Variants in RFX8 observed in about 807,000 individuals in gnomAD.
The protein encoded by RFX8 is DNA-binding protein RFX8.
RFX8 carries 46 observed loss-of-function variants against 54.6 expected under a neutral mutation model. The ratio of observed to expected loss-of-function variants is 0.84; its 90% CI spans 0.67 to 1.08. The LOEUF is 1.08. RFX8 is among the 50% of genes least tolerant of loss of function. The pLI is 0.00. For missense variants in RFX8, 536 were observed against 562.3 expected (o/e 0.95, Z 0.47); for synonymous variants, 192 against 209.5 (o/e 0.92, Z 0.72).
chr2:101,449,880 G>A (rs1281890514), intron 2 of RFX8, among the ~76,000 whole-genome samples: 2 of 152,070 alleles, frequency 1.3e-5, no homozygotes, highest in African/African-American at 2.4e-5. Context: ...GGAGACCAAG[G>A]ATTCAGGGCT....
At chr2:101,427,762 T>C (rs1687260871) in intron 2 of RFX8, among the ~76,000 whole-genome samples, 3 of 152,160 alleles carry the variant, frequency 2.0e-5, no homozygotes, top group Admixed American at 6.6e-5. Flanking sequence ...CCGCTCGACA[T>C]GGTACCCATT....
chr2:101,397,916 T>G (rs556532349), intron 11 of RFX8, among the ~76,000 whole-genome samples, 192 bp from the exon 12 acceptor site: 1 of 152,238 alleles, frequency 6.6e-6, no homozygotes, highest in African/African-American at 2.4e-5. Context: ...TGGAGTGCCA[T>G]GGCGCCATCT....
intron 2 of RFX8, among the ~76,000 whole-genome samples, chr2:101,459,784 G>A (rs925232454): frequency 1.3e-5 from 2 of 152,212 alleles, no homozygotes; most frequent in East Asian, 1.9e-4. Context: ...AGACAGGGAC[G>A]TTTAAGTCTG....
intron 2 of RFX8, among the ~76,000 whole-genome samples, chr2:101,439,875 C>T (rs1157425836): frequency 6.6e-6 from 1 of 152,004 alleles, no homozygotes; most frequent in African/African-American, 2.4e-5. Context: ...CGCGCATAGC[C>T]GAGCGGATCT....
Position 101,424,961 on chromosome 2 carries a change from C to T in RFX8, c.73-2489G>A, listed in dbSNP as rs561033143. Among the ~76,000 whole-genome samples, 4 of 152,096 alleles carry T rather than the reference C, an allele frequency of 2.6e-5. No homozygotes were observed. The South Asian group carries it at 6.2e-4, about 24-fold the overall frequency. On this transcript the variant is annotated intron_variant, in intron 2 of 11. Coordinates refer to ENST00000428343, the MANE Select transcript of RFX8 (RefSeq NM_001145664.2). ...AGCAAACCAACATGGCACATGTATA[C>T]CTATGTAACAAACCTGCACGTTGTG...
intron 2 of RFX8, among the ~76,000 whole-genome samples, chr2:101,463,755 C>T (rs920280307): frequency 6.6e-6 from 1 of 152,128 alleles, no homozygotes; most frequent in African/African-American, 2.4e-5. Context: ...CACTTACCTC[C>T]TTCTCTCCCT....
intron 2 of RFX8, among the ~76,000 whole-genome samples, chr2:101,456,640 C>A (rs934628793): frequency 2.6e-5 from 4 of 152,050 alleles, no homozygotes; most frequent in African/African-American, 7.3e-5. Context: ...ATTTTCGTAT[C>A]GATGTTCATC....
At chr2:101,412,682 A>G (rs918815403) in intron 8 of RFX8, among the ~76,000 whole-genome samples, 3 of 152,230 alleles carry the variant, frequency 2.0e-5, no homozygotes, top group African/African-American at 4.8e-5. Flanking sequence ...ACTAACAGGT[A>G]TCAGCACTGC....
intron 10 of RFX8, among the ~76,000 whole-genome samples, chr2:101,404,453 CAG>C (rs1685613210): frequency 6.6e-6 from 1 of 152,092 alleles, no homozygotes; most frequent in African/African-American, 2.4e-5. Context: ...TTTTTTGAGA[CAG>C]AGTCTGGCTC....
At position 101,435,550 on chromosome 2, in the gene RFX8, A is replaced by G. The variant is rs542706239; in HGVS notation, c.73-13078T>C. On this transcript the variant is annotated intron_variant, in intron 2 of 11. Transcript: ENST00000428343. ...CAGATGTGATATAATGCACGCACAT[A>G]TACACACGTACTCACACATACACAC... Among the ~76,000 whole-genome samples, 5 of 152,318 alleles carry G rather than the reference A, an allele frequency of 3.3e-5. No homozygotes were observed. In the South Asian group the frequency reaches 1.0e-3, roughly 32 times the overall value.
At chr2:101,434,541 CAATGCAACAG>C (rs67016161) in intron 2 of RFX8, among the ~76,000 whole-genome samples, 111,365 of 151,672 alleles carry the variant, frequency 0.73, 42,316 homozygotes, top group Middle Eastern at 0.88. Flanking sequence ...CAGCAAATAG[CAATGCAACAG>C]ACGTTGCATT....
At chr2:101,402,111 A>G (rs967106673) in intron 11 of RFX8, among the ~76,000 whole-genome samples, 3 of 152,228 alleles carry the variant, frequency 2.0e-5, no homozygotes, top group Admixed American at 6.5e-5. Context: ...TTTTCAGTGC[A>G]TGCCACTCAG....
chr2:101,469,093 A>ATATATATAC (rs1558896874), intron 1 of RFX8, among the ~76,000 whole-genome samples: 2 of 15,312 alleles, frequency 1.3e-4, no homozygotes, highest in African/African-American at 8.1e-4. Context: ...TATATATATA[A>ATATATATAC]GTATATATAT....
intron 4 of RFX8, among the ~76,000 whole-genome samples, chr2:101,419,618 A>G (rs1428787972): frequency 1.3e-5 from 2 of 152,184 alleles, no homozygotes; most frequent in African/African-American, 2.4e-5. Flanking sequence ...TGGGATTTCC[A>G]CAGGCTCAGA....
rs138173220 is a variant in RFX8, at chr2:101,466,739, CT to C, written c.72+37del. 1.2e-3 allele frequency: 1,637 copies of C among 1,413,368 alleles called. 26 individuals are homozygous for C. In the African/African-American group the frequency reaches 0.021, roughly 18 times the overall value. 87.6% of individuals were successfully genotyped at this position (1,413,368 alleles called of 1,614,324 possible). On this transcript the variant is annotated intron_variant, in intron 2 of 11. Transcript: ENST00000428343. ...CAATAACTTGCTTCCCTTTTTTGCA[CT>C]CAGTGAATAGAGCGTTCTTAATCTT...
At chr2:101,470,930 A>T (rs1689948639) in intron 1 of RFX8, among the ~76,000 whole-genome samples, 1 of 150,308 alleles carries the variant, frequency 6.7e-6, no homozygotes, top group Admixed American at 6.6e-5. Context: ...CGTGTTAGCC[A>T]GGATGGTCTT....
At chr2:101,437,733 C>T (rs1390360510) in intron 2 of RFX8, among the ~76,000 whole-genome samples, 1 of 152,226 alleles carries the variant, frequency 6.6e-6, no homozygotes, top group Non-Finnish European at 1.5e-5. Context: ...AATATCACAA[C>T]CCAGATACTG....
chr2:101,468,353 C>T (rs1689697627), intron 1 of RFX8, among the ~76,000 whole-genome samples: 2 of 152,160 alleles, frequency 1.3e-5, no homozygotes, highest in South Asian at 2.1e-4. Flanking sequence ...TGGAAATCCT[C>T]GGTGTTCCTC....
intron 2 of RFX8, among the ~76,000 whole-genome samples, chr2:101,466,514 T>C (rs1689582653): frequency 6.6e-6 from 1 of 152,132 alleles, no homozygotes. Flanking sequence ...GAGGAGTGCT[T>C]GGAGCTGCCA....
Sources: allele counts gnomAD v4.1 joint callset (sites outside exome capture counted in the v4.1 genomes callset), GRCh38; gene constraint gnomAD v4.1.1; transcripts MANE v1.5; gene names NCBI Gene and HGNC (gene_info 2026-07-23, HGNC 2026-07-21).